Variants in AATF observed in about 807,000 individuals in gnomAD.
AATF encodes apoptosis antagonizing transcription factor, also known as protein AATF.
AATF carries 48 observed loss-of-function variants against 63.7 expected under a neutral mutation model. The observed-to-expected ratio is 0.75, with a 90% CI of 0.60 to 0.96. The LOEUF (loss-of-function observed/expected upper bound fraction) is 0.96, where lower values mean the gene tolerates loss of function less well. Ranked by LOEUF, AATF falls within the 40% of genes least tolerant of loss-of-function variation. The probability of loss-of-function intolerance (pLI) is 0.00; values close to 1 mark genes in which losing one functional copy is unlikely to be tolerated. For synonymous variants in AATF, 258 were observed against 247.7 expected, an observed-to-expected ratio of 1.04 and a Z score of -0.39; for missense variants, 639 against 685.7, an observed-to-expected ratio of 0.93 and a Z score of 0.76.
intron 10 of AATF, among the ~76,000 whole-genome samples, chr17:37,022,634 C>G (rs540592687): frequency 6.6e-6 from 1 of 152,162 alleles, no homozygotes; most frequent in Non-Finnish European, 1.5e-5. Context: ...TGAATCCCAG[C>G]TTTGACATTG....
At chr17:36,949,809 A>G (rs2070838636) in intron 1 of AATF, among the ~76,000 whole-genome samples, 1 of 152,244 alleles carries the variant, frequency 6.6e-6, no homozygotes, top group South Asian at 2.1e-4. Flanking sequence ...GATAAATGCG[A>G]GTGCTGAACC....
chr17:37,031,723 A>G (rs369692709), intron 11 of AATF, 38 bp downstream of exon 11: 6 of 1,530,810 alleles, frequency 3.9e-6, no homozygotes, highest in Non-Finnish European at 5.4e-6. Context: ...AAATGGCTTC[A>G]TGACAGCCTG....
intron 4 of AATF, among the ~76,000 whole-genome samples, chr17:36,957,932 A>G (rs2070915016): frequency 6.6e-6 from 1 of 152,142 alleles, no homozygotes; most frequent in South Asian, 2.1e-4. Context: ...AAACTAAATG[A>G]ATATCTCCTT....
At chr17:37,047,124 A>G (rs557876536) in intron 11 of AATF, among the ~76,000 whole-genome samples, 1 of 152,348 alleles carries the variant, frequency 6.6e-6, no homozygotes, top group South Asian at 2.1e-4. Flanking sequence ...AAGCAGTGTG[A>G]TGATTTGTCG....
intron 8 of AATF, chr17:37,000,096 A>C (rs978892852): frequency 1.3e-5 from 2 of 152,378 alleles, no homozygotes; most frequent in African/African-American, 4.8e-5. Context: ...GGCTGTGTTA[A>C]GAGTAGACAT....
At chr17:37,017,257 TAAGGGCAATGAAATG>T (rs1432125599) in intron 8 of AATF, among the ~76,000 whole-genome samples, 6 of 152,184 alleles carry the variant, frequency 3.9e-5, no homozygotes, top group Admixed American at 6.5e-5. Flanking sequence ...TGGAACGAGG[TAAGGGCAATGAAATG>T]CAGTTATTCC....
intron 10 of AATF, among the ~76,000 whole-genome samples, chr17:37,024,347 T>G (rs2071495526): frequency 6.6e-6 from 1 of 152,220 alleles, no homozygotes; most frequent in Non-Finnish European, 1.5e-5. Flanking sequence ...TTTGTAAGCT[T>G]GAGAGAGTCT....
intron 8 of AATF, among the ~76,000 whole-genome samples, chr17:37,017,051 G>A (rs2071434111): frequency 1.3e-5 from 2 of 152,196 alleles, no homozygotes; most frequent in African/African-American, 4.8e-5. Flanking sequence ...CTTGGTGTTG[G>A]AATTGCAGAG....
At chr17:37,002,079 G>C (rs981797213) in intron 8 of AATF, among the ~76,000 whole-genome samples, 1 of 151,778 alleles carries the variant, frequency 6.6e-6, no homozygotes, top group Non-Finnish European at 1.5e-5. Flanking sequence ...GTGTACGCCT[G>C]TAATCCCAGC....
intron 4 of AATF, among the ~76,000 whole-genome samples, chr17:36,981,797 A>G (rs2071127667): frequency 6.7e-6 from 1 of 149,510 alleles, no homozygotes; most frequent in Non-Finnish European, 1.5e-5. Flanking sequence ...TTGGCCTCCC[A>G]AAGTGTTGGG....
intron 1 of AATF, 49 bp from the exon 2 acceptor site, chr17:36,950,165 G>A: frequency 1.3e-6 from 2 of 1,583,972 alleles, no homozygotes; most frequent in African/African-American, 1.4e-5. Flanking sequence ...TCCCGTTAAA[G>A]TTTCTGCTAA....
intron 11 of AATF, 94 bp from the exon 12 acceptor site, chr17:37,056,507 G>T: frequency 7.7e-7 from 1 of 1,298,626 alleles, no homozygotes; most frequent in Middle Eastern, 1.8e-4. Flanking sequence ...TTCAACAGAA[G>T]AAACAGAATG....
intron 11 of AATF, among the ~76,000 whole-genome samples, chr17:37,052,976 CTG>C: frequency 1.3e-5 from 2 of 152,270 alleles, no homozygotes; most frequent in South Asian, 2.1e-4. Context: ...GGACGAGTCA[CTG>C]TGCGATTTTT....
At chr17:36,957,258 A>G (rs979825890) in intron 4 of AATF, among the ~76,000 whole-genome samples, 3 of 152,214 alleles carry the variant, frequency 2.0e-5, no homozygotes, top group Non-Finnish European at 4.4e-5. Flanking sequence ...TGGGGATAAT[A>G]TGGTTGTGAG....
chr17:37,022,906 A>G (rs1278286709), intron 10 of AATF, among the ~76,000 whole-genome samples: 14 of 152,140 alleles, frequency 9.2e-5, no homozygotes, highest in Admixed American at 9.2e-4. Flanking sequence ...GTTTACTGAC[A>G]CGTCTCTTCC....
intron 8 of AATF, among the ~76,000 whole-genome samples, chr17:37,018,348 G>A (rs992374092): frequency 6.6e-6 from 1 of 152,204 alleles, no homozygotes; most frequent in African/African-American, 2.4e-5. Flanking sequence ...TATTGGATGA[G>A]AGACTAATCC....
chr17:37,029,634 C>A (rs904917555), intron 10 of AATF, among the ~76,000 whole-genome samples: 2 of 152,072 alleles, frequency 1.3e-5, no homozygotes, highest in African/African-American at 4.8e-5. Flanking sequence ...GACATAATCT[C>A]GATTCACTGC....
intron 4 of AATF, among the ~76,000 whole-genome samples, chr17:36,961,999 C>T (rs9330245): frequency 0.067 from 10,234 of 152,026 alleles, 1,045 homozygotes; most frequent in African/African-American, 0.22. Context: ...TTTAAAAAGG[C>T]TTTTGGAATA....
At chr17:36,974,099 GC>G (rs1168209937) in intron 4 of AATF, among the ~76,000 whole-genome samples, 20 of 151,348 alleles carry the variant, frequency 1.3e-4, no homozygotes, top group African/African-American at 4.9e-4. Flanking sequence ...ACAGAAAATA[GC>G]CAAGCAAAAT....
Sources: gnomAD v4.1 joint callset for allele counts (sites outside exome capture counted in the v4.1 genomes callset) on GRCh38, gnomAD v4.1.1 for gene constraint, MANE v1.5 for transcripts, NCBI Gene and HGNC (gene_info 2026-07-23, HGNC 2026-07-21) for gene names.